ATP6V0D1: variants seen among roughly 807,000 people sequenced by gnomAD.
ATP6V0D1 encodes V-type proton ATPase subunit d 1.
ATP6V0D1 carries 13 observed loss-of-function variants against 39.0 expected under a neutral mutation model. That is an observed-to-expected ratio of 0.33 (90% CI 0.22 to 0.53). ATP6V0D1 has a LOEUF of 0.53. Among genes scored for constraint, ATP6V0D1 ranks in the 20% least tolerant of loss-of-function variants. ATP6V0D1 has a pLI of 0.94. For synonymous variants in ATP6V0D1, 191 were observed against 191.2 expected (o/e 1.00, Z 0.01); for missense variants, 272 against 470.9 (o/e 0.58, Z 3.91).
At chr16:67,445,979 G>T (rs1207082002) in intron 2 of ATP6V0D1, 33 of 455,684 alleles carry the variant, frequency 7.2e-5, no homozygotes, top group Non-Finnish European at 9.7e-5. Context: ...TGGGATAAAA[G>T]TTGGGGTGGA....
chr16:67,477,570 T>G (rs187029803), intron 1 of ATP6V0D1, among the ~76,000 whole-genome samples: 2 of 152,346 alleles, frequency 1.3e-5, no homozygotes, highest in Admixed American at 1.3e-4. Context: ...ATAATTATTT[T>G]ATCAATAAGA....
chr16:67,452,009 T>A (rs1435831510), intron 2 of ATP6V0D1, among the ~76,000 whole-genome samples: 1 of 152,238 alleles, frequency 6.6e-6, no homozygotes, highest in Non-Finnish European at 1.5e-5. Flanking sequence ...GGCCAGAACA[T>A]TCACCAGGAA....
chr16:67,442,529 G>A (rs544598058), intron 4 of ATP6V0D1, among the ~76,000 whole-genome samples: 5 of 151,738 alleles, frequency 3.3e-5, no homozygotes, highest in Admixed American at 6.6e-5. Context: ...TTGGGCCAGG[G>A]TAGTGCTGAC....
chr16:67,481,056 C>T lies in ATP6V0D1; in HGVS notation c.31G>A (p.Val11Met). The change falls in exon 1 of 8, where the codon GTG (valine) becomes ATG (methionine). Residue 11 changes from valine to methionine, a missense_variant. Around this residue, in one of 4 missense-constraint regions of ATP6V0D1, gnomAD observed 81 missense variants for 96.0 expected, o/e 0.84. Coordinates refer to ENST00000290949, the MANE Select transcript of ATP6V0D1 (RefSeq NM_004691.5). ...AGTCCCTCCAAGTAGCCATTGTCCA[C>T]GTTAAAGTAAAGCTCCGGGAAGAAC... MSFFPELYFN[V>M]DNGYLEGLVR... The T allele has an allele frequency of 6.2e-7, 1 of 1,614,170 alleles. No individual in the cohort carries two copies. Among genetic ancestry groups the T allele is most frequent in the Non-Finnish European group, 8.5e-7 (1 of 1,179,988 alleles).
chr16:67,441,569 AAC>A (rs1034381951), intron 4 of ATP6V0D1: 1 of 152,230 alleles, frequency 6.6e-6, no homozygotes, highest in Non-Finnish European at 1.5e-5. Flanking sequence ...CACACACACA[AAC>A]ACACACGTGT....
rs1243931333 is a variant in ATP6V0D1 at position 67,453,692 on chromosome 16, T to G, written c.154A>C (p.Thr52Pro). ...TTGGCCAGGAAGTTACCATAATCAG[T>G]GCTCTGCAGATGCAGTTTCAAGTCT... The part of the protein sequence containing the change: ...LEDLKLHLQS[T>P]DYGNFLANEA... The change falls in exon 2 of 8, where the codon ACT (threonine) becomes CCT (proline). Residue 52 changes from threonine (T) to proline (P), a missense_variant. Around this residue, in one of 4 missense-constraint regions of ATP6V0D1, gnomAD observed 81 missense variants for 96.0 expected, o/e 0.84. Transcript: ENST00000290949. This position sits in a 1 kb window ranked among gnomAD's most constrained non-coding sequence, Gnocchi z 4.1. 1 of 1,613,896 alleles carries G rather than the reference T, an allele frequency of 6.2e-7. No individual in the cohort carries two copies. Among genetic ancestry groups the G allele is most frequent in the Non-Finnish European group, 8.5e-7 (1 of 1,179,994 alleles).
intron 2 of ATP6V0D1, among the ~76,000 whole-genome samples, chr16:67,448,978 G>T (rs571254750): frequency 1.1e-4 from 17 of 152,250 alleles, no homozygotes; most frequent in Non-Finnish European, 1.9e-4. Flanking sequence ...CTGGCCAGGG[G>T]AGTGGGGGCC....
intron 1 of ATP6V0D1, among the ~76,000 whole-genome samples, chr16:67,461,588 A>G (rs2041289684): frequency 6.6e-6 from 1 of 152,234 alleles, no homozygotes; most frequent in Non-Finnish European, 1.5e-5. Flanking sequence ...GCACGGTCAC[A>G]TGCAAGTTAC....
At chr16:67,472,041 C>T (rs1376652314) in intron 1 of ATP6V0D1, among the ~76,000 whole-genome samples, 3 of 152,160 alleles carry the variant, frequency 2.0e-5, no homozygotes, top group Non-Finnish European at 2.9e-5. Context: ...TGGCTCATGA[C>T]AGCGAGATGC....
At chr16:67,455,414 G>A (rs2041228193) in intron 1 of ATP6V0D1, 1 of 152,202 alleles carries the variant, frequency 6.6e-6, no homozygotes. Context: ...AATACAGCAG[G>A]TCTCTGGAAT....
At chr16:67,466,689 C>T (rs2142327786) in intron 1 of ATP6V0D1, among the ~76,000 whole-genome samples, 1 of 152,110 alleles carries the variant, frequency 6.6e-6, no homozygotes, top group African/African-American at 2.4e-5. Context: ...TAAACAAAAT[C>T]AGCTGGGCGT....
Position 67,438,095 on chromosome 16 carries a change from AG to A in ATP6V0D1, c.*432del, listed in dbSNP as rs1306872847. 1 of 190,740 alleles carries A rather than the reference AG, an allele frequency of 5.2e-6. No individual in the cohort carries two copies. The highest frequency in any genetic ancestry group is 1.1e-5 in the Non-Finnish European group (1 of 90,924). 11.8% of individuals were successfully genotyped at this position (190,740 alleles called of 1,614,324 possible). ...GGGAGCTGAGGAGCAACATCCCCCC[AG>A]GCCCCAAGGACACACACACTCTGTC... is the stretch of plus-strand genomic sequence containing the variant. On this transcript the variant is annotated 3_prime_UTR_variant, in exon 8 of 8. Coordinates refer to ENST00000290949, the MANE Select transcript of ATP6V0D1 (RefSeq NM_004691.5).
chr16:67,446,762 C>A (rs1051260320), intron 2 of ATP6V0D1, among the ~76,000 whole-genome samples: 1 of 152,158 alleles, frequency 6.6e-6, no homozygotes, highest in Non-Finnish European at 1.5e-5. Flanking sequence ...AGTCACAAAT[C>A]CCCTGCCCCC....
chr16:67,444,597 TCTGCTCGAAG>T lies in ATP6V0D1; in HGVS notation c.402_411del (p.Ser134ArgfsTer5). The stretch of plus-strand genomic sequence containing the variant: ...GTCTGAGCAATGTTCACGGCCTCCA[TCTGCTCGAAG>T]CTGCCTAGTGGGTGGCACTTGGGCA... On this transcript the variant is annotated frameshift_variant, in exon 3 of 8. Coordinates refer to ENST00000290949, the MANE Select transcript of ATP6V0D1 (RefSeq NM_004691.5). LOFTEE classifies it high-confidence loss of function. The surrounding 1 kb of genome is among the most constrained non-coding windows in gnomAD (Gnocchi z 4.8). 1 of 1,613,620 alleles carries T rather than the reference TCTGCTCGAAG, an allele frequency of 6.2e-7. No individual in the cohort carries two copies. The highest frequency in any genetic ancestry group is 8.5e-7 in the Non-Finnish European group (1 of 1,179,720).
intron 1 of ATP6V0D1, among the ~76,000 whole-genome samples, chr16:67,474,905 G>A (rs2041402655): frequency 6.6e-6 from 1 of 152,140 alleles, no homozygotes; most frequent in Non-Finnish European, 1.5e-5. Context: ...CCAAGATGAG[G>A]ACATCGACCT....
Position 67,438,838 on chromosome 16 carries a change from G to A in ATP6V0D1, c.849C>T (p.Ser283=), listed in dbSNP as rs751126496. The A allele has an allele frequency of 6.2e-7, 1 of 1,613,524 alleles. No individual in the cohort carries two copies. Residue 283 remains serine (S), a synonymous_variant, in exon 7 of 8, where the codon AGC becomes AGT. Coordinates refer to ENST00000290949, the MANE Select transcript of ATP6V0D1 (RefSeq NM_004691.5). The stretch of plus-strand genomic sequence containing the variant: ...CCTCCAGCGTCTTGTCTCCAGGGTT[G>A]CTACCTGCACCCTCGAAGAGCAGCT... The part of the protein sequence containing the change: ...EYKLLFEGAG[S]NPGDKTLEDR...
At chr16:67,470,175 T>A (rs1365389263) in intron 1 of ATP6V0D1, among the ~76,000 whole-genome samples, 1 of 152,204 alleles carries the variant, frequency 6.6e-6, no homozygotes, top group African/African-American at 2.4e-5. Flanking sequence ...CTGTACATGC[T>A]ATCCCATGTT....
chr16:67,450,335 G>T (rs2041164224), intron 2 of ATP6V0D1, among the ~76,000 whole-genome samples: 1 of 152,118 alleles, frequency 6.6e-6, no homozygotes, highest in Non-Finnish European at 1.5e-5. Context: ...TTTCCCCTCA[G>T]CCAAACTAGC....
chr16:67,471,706 C>T (rs1411445978), intron 1 of ATP6V0D1, among the ~76,000 whole-genome samples: 1 of 151,730 alleles, frequency 6.6e-6, no homozygotes, highest in Non-Finnish European at 1.5e-5. Context: ...GGGTCTCTCT[C>T]TGTTGCCCAG....
Sources: allele counts gnomAD v4.1 joint callset (sites outside exome capture counted in the v4.1 genomes callset), GRCh38; gene constraint gnomAD v4.1.1; regional missense constraint gnomAD v4.1.1; non-coding constraint Gnocchi (gnomAD v3.1); transcripts MANE v1.5; gene names NCBI Gene and HGNC (gene_info 2026-07-23, HGNC 2026-07-21).